The following PCDH7 variants were observed in gnomAD, a reference collection of about 807,000 sequenced individuals.
The protein encoded by PCDH7 is protocadherin-7.
PCDH7 carries 17 observed loss-of-function variants against 58.9 expected under a neutral mutation model. That is an observed-to-expected ratio of 0.29 (90% CI 0.20 to 0.43). The LOEUF is 0.43. PCDH7 is among the 20% of genes least tolerant of loss of function. PCDH7 has a pLI of 1.00. For missense variants in PCDH7, 1,274 were observed against 1,441.0 expected, an observed-to-expected ratio of 0.88 and a Z score of 1.88; for synonymous variants, 664 against 616.4, an observed-to-expected ratio of 1.08 and a Z score of -1.14.
chr4:30,962,981 A>G (rs1459349528), intron 3 of PCDH7, among the ~76,000 whole-genome samples: 2 of 152,080 alleles, frequency 1.3e-5, no homozygotes, highest in South Asian at 2.1e-4. Context: ...AATAAGTCAC[A>G]TTGTCATCAG....
At chr4:30,940,244 T>C (rs1233975246) in intron 2 of PCDH7, among the ~76,000 whole-genome samples, 1 of 152,050 alleles carries the variant, frequency 6.6e-6, no homozygotes, top group Non-Finnish European at 1.5e-5. Context: ...ATTGCTTTTT[T>C]TGTCTTGAAT....
At chr4:30,870,437 A>G (rs547218811) in intron 1 of PCDH7, among the ~76,000 whole-genome samples, 1 of 151,874 alleles carries the variant, frequency 6.6e-6, no homozygotes, top group Non-Finnish European at 1.5e-5. Flanking sequence ...AAGTCTTTAG[A>G]TTTACTTTAA....
chr4:30,831,635 T>A (rs1042361711), intron 1 of PCDH7, among the ~76,000 whole-genome samples: 1 of 152,140 alleles, frequency 6.6e-6, no homozygotes, highest in African/African-American at 2.4e-5. Flanking sequence ...CTACTCATTG[T>A]ATACACCCTC....
downstream of PCDH7, chr4:31,143,317 T>C (rs1383292723): frequency 6.5e-6 from 1 of 153,804 alleles, no homozygotes; most frequent in African/African-American, 2.4e-5. Flanking sequence ...ATTTCAGACA[T>C]ACCATCAGAA....
downstream of PCDH7, chr4:31,146,181 A>G (rs1720659365): frequency 1.3e-5 from 2 of 151,974 alleles, no homozygotes; most frequent in African/African-American, 4.8e-5. Context: ...GTCTGACTGA[A>G]ACACTACCCT....
At chr4:30,793,370 TTAG>T (rs1724378462) in intron 1 of PCDH7, among the ~76,000 whole-genome samples, 1 of 152,180 alleles carries the variant, frequency 6.6e-6, no homozygotes, top group Admixed American at 6.5e-5. Flanking sequence ...AGATTCTAAA[TTAG>T]TAGTTACCAA....
intron 1 of PCDH7, among the ~76,000 whole-genome samples, chr4:30,851,996 T>G (rs1249846309): frequency 6.6e-6 from 1 of 151,960 alleles, no homozygotes; most frequent in Non-Finnish European, 1.5e-5. Context: ...CTTAGGAAAA[T>G]AGATTTTTCA....
chr4:30,757,522 T>A (rs527643053), intron 1 of PCDH7, among the ~76,000 whole-genome samples: 26 of 152,314 alleles, frequency 1.7e-4, no homozygotes, highest in Admixed American at 5.2e-4. Context: ...GGATTTCCCC[T>A]GTATCAGCTG....
chr4:31,057,624 A>G (rs1215893668), intron 3 of PCDH7, among the ~76,000 whole-genome samples: 13 of 152,182 alleles, frequency 8.5e-5, no homozygotes, highest in Non-Finnish European at 4.4e-5. Flanking sequence ...AATCAAGCTT[A>G]GGTATATCCC....
At chr4:30,883,476 G>A (rs73812653) in intron 1 of PCDH7, among the ~76,000 whole-genome samples, 2,147 of 152,248 alleles carry the variant, frequency 0.014, 45 homozygotes, top group African/African-American at 0.049. Flanking sequence ...CCAGCATGAC[G>A]AATGTAACGT....
chr4:30,786,638 A>G (rs1293976100), intron 1 of PCDH7: 1 of 256,074 alleles, frequency 3.9e-6, no homozygotes, highest in Non-Finnish European at 6.1e-6. Context: ...ACTATCAGCC[A>G]AGATGTGCAG....
intron 3 of PCDH7, among the ~76,000 whole-genome samples, chr4:31,057,030 C>T (rs748172038): frequency 2.6e-5 from 4 of 152,004 alleles, no homozygotes; most frequent in South Asian, 2.1e-4. Flanking sequence ...GGAAAAAATG[C>T]GTTATTAAAT....
intron 3 of PCDH7, among the ~76,000 whole-genome samples, chr4:31,075,166 T>G (rs187488120): frequency 6.6e-6 from 1 of 152,170 alleles, no homozygotes; most frequent in Admixed American, 6.6e-5. Flanking sequence ...CCTCTTTTTT[T>G]GTTCTTGTTG....
chr4:31,111,912 G>A (rs1350362423), intron 3 of PCDH7, among the ~76,000 whole-genome samples: 2 of 152,172 alleles, frequency 1.3e-5, no homozygotes, highest in Non-Finnish European at 2.9e-5. Flanking sequence ...GCATTTAAAA[G>A]CATAATGATT....
chr4:30,915,096 C>A (rs537634668), intron 1 of PCDH7, among the ~76,000 whole-genome samples: 1 of 152,102 alleles, frequency 6.6e-6, no homozygotes, highest in Non-Finnish European at 1.5e-5. Context: ...GTTGAGCACC[C>A]CTTTTTGCTT....
rs2109227675 is a variant in PCDH7 at position 30,723,534 on chromosome 4, T to A, written c.2112T>A (p.His704Gln). The change falls in exon 1 of 2, where the codon CAT (histidine) becomes CAA (glutamine). Residue 704 changes from histidine (H) to glutamine (Q), a missense_variant. His to Gln is a conservative substitution (Grantham distance 24). This residue lies in a region of PCDH7 where 731 missense variants were observed against 881.9 expected (regional missense o/e 0.83). Coordinates refer to ENST00000361762, the Ensembl canonical transcript of PCDH7. The surrounding 1 kb of genome is among the most constrained non-coding windows in gnomAD (Gnocchi z 4.6). ...CCACAATGTCTTTTGACCGGGAACA[T>A]CAGACCACATACACTTTCAGAGTCA... 6.2e-7 allele frequency: 1 copy of A among 1,614,080 alleles called. No homozygotes were observed. The highest frequency in any genetic ancestry group is 2.2e-5 in the East Asian group (1 of 44,868).
intron 1 of PCDH7, among the ~76,000 whole-genome samples, chr4:30,914,862 G>T (rs565172291): frequency 6.6e-6 from 1 of 152,116 alleles, no homozygotes; most frequent in Non-Finnish European, 1.5e-5. Context: ...CAGGTAACTT[G>T]TCCTCTAGGT....
At chr4:31,144,725 C>T (rs1303945317), downstream of PCDH7, 1 of 152,018 alleles carries the variant, frequency 6.6e-6, no homozygotes, top group Non-Finnish European at 1.5e-5. Flanking sequence ...GGGGTCATTT[C>T]CTTATGCTCT....
rs1021468186 is a variant in PCDH7 at position 30,731,174 on chromosome 4, T to C, written c.*386T>C. The C allele has an allele frequency of 3.0e-6, 3 of 988,432 alleles. No homozygotes were observed. The African/African-American group carries it at 5.2e-5, about 17-fold the overall frequency. 61.2% of individuals were successfully genotyped at this position (988,432 alleles called of 1,614,324 possible). A position where few individuals can be genotyped will look rare whatever the true frequency, so the allele number is the denominator to read the frequency against. ...CAGCCTCTTATGTCTTTGTCTTTAA[T>C]ACATTAAATACTGATTTTGAATAAA... On this transcript the variant is annotated 3_prime_UTR_variant, in exon 2 of 2. Coordinates refer to ENST00000361762, the Ensembl canonical transcript of PCDH7.
Sources: allele counts gnomAD v4.1 joint callset (sites outside exome capture counted in the v4.1 genomes callset), GRCh38; gene constraint gnomAD v4.1.1; regional missense constraint gnomAD v4.1.1; non-coding constraint Gnocchi (gnomAD v3.1); transcripts MANE v1.5; gene names NCBI Gene and HGNC (gene_info 2026-07-23, HGNC 2026-07-21).